The following BRINP3 variants were observed in gnomAD, a reference collection of about 807,000 sequenced individuals.
The protein encoded by BRINP3 is BMP/retinoic acid-inducible neural-specific protein 3.
A neutral mutation model predicts 71.0 loss-of-function variants in BRINP3; 19 were observed. The observed-to-expected ratio is 0.27, with a 90% CI of 0.19 to 0.39. BRINP3 has a LOEUF of 0.39. Among genes scored for constraint, BRINP3 ranks in the 10% least tolerant of loss-of-function variants. The pLI is 1.00. For synonymous variants in BRINP3, 380 were observed against 337.7 expected, an observed-to-expected ratio of 1.13 and a Z score of -1.37; for missense variants, 959 against 940.8, an observed-to-expected ratio of 1.02 and a Z score of -0.25.
chr1:190,363,612 C>T (rs1196101187), intron 2 of BRINP3, among the ~76,000 whole-genome samples: 3 of 152,062 alleles, frequency 2.0e-5, no homozygotes, highest in South Asian at 2.1e-4. Flanking sequence ...CAAGATTTCA[C>T]GTGCTCAAGA....
At chr1:190,194,270 G>T (rs1412610892) in intron 6 of BRINP3, among the ~76,000 whole-genome samples, 1 of 152,088 alleles carries the variant, frequency 6.6e-6, no homozygotes, top group Non-Finnish European at 1.5e-5. Flanking sequence ...AAGCAAGAAA[G>T]TATTCTCCTG....
chr1:190,457,506 T>G (rs1297512977), intron 1 of BRINP3, among the ~76,000 whole-genome samples: 1 of 151,860 alleles, frequency 6.6e-6, no homozygotes, highest in Non-Finnish European at 1.5e-5. Context: ...GCTATAGATG[T>G]TTGACTTTAG....
intron 2 of BRINP3, among the ~76,000 whole-genome samples, chr1:190,378,065 C>T (rs1418827367): frequency 6.6e-6 from 1 of 152,032 alleles, no homozygotes; most frequent in East Asian, 1.9e-4. Context: ...AATACTGAAG[C>T]AATCTTAAAA....
intron 7 of BRINP3, among the ~76,000 whole-genome samples, chr1:190,113,695 G>A (rs1267487851): frequency 6.6e-6 from 1 of 152,136 alleles, no homozygotes; most frequent in Non-Finnish European, 1.5e-5. Context: ...AATTACTCAA[G>A]TCCTCCGTCA....
chr1:190,201,227 T>A (rs981920017), intron 6 of BRINP3, among the ~76,000 whole-genome samples: 2 of 152,102 alleles, frequency 1.3e-5, no homozygotes, highest in African/African-American at 2.4e-5. Context: ...AAAGGCAGGT[T>A]TTGTTATGTT....
chr1:190,171,205 T>C (rs1334949385), intron 6 of BRINP3, among the ~76,000 whole-genome samples: 2 of 152,134 alleles, frequency 1.3e-5, no homozygotes, highest in Non-Finnish European at 2.9e-5. Context: ...GTTTCTTTAT[T>C]GGACATAAAG....
chr1:190,340,196 G>T (rs1348581484), intron 2 of BRINP3, among the ~76,000 whole-genome samples: 2 of 151,814 alleles, frequency 1.3e-5, no homozygotes, highest in Admixed American at 6.6e-5. Context: ...AATGACCTCT[G>T]GGTTATGTTA....
intron 2 of BRINP3, among the ~76,000 whole-genome samples, chr1:190,452,396 A>G (rs1675672827): frequency 6.6e-6 from 1 of 152,244 alleles, no homozygotes. Context: ...GTAAAGACAT[A>G]GTAAGGATAA....
chr1:190,196,043 A>T (rs1360461071), intron 6 of BRINP3, among the ~76,000 whole-genome samples: 1 of 152,142 alleles, frequency 6.6e-6, no homozygotes, highest in Non-Finnish European at 1.5e-5. Flanking sequence ...ATTGTATAGA[A>T]GCTGTCCTAT....
intron 2 of BRINP3, among the ~76,000 whole-genome samples, chr1:190,441,573 T>C (rs924839745): frequency 1.3e-5 from 2 of 152,098 alleles, no homozygotes; most frequent in Non-Finnish European, 2.9e-5. Flanking sequence ...GCTAAGATAT[T>C]TGTCAGTGAT....
intron 7 of BRINP3, among the ~76,000 whole-genome samples, chr1:190,144,586 A>G (rs1655728745): frequency 6.6e-6 from 1 of 152,080 alleles, no homozygotes; most frequent in African/African-American, 2.4e-5. Flanking sequence ...AATTTTTGTT[A>G]AAGTTACATC....
intron 2 of BRINP3, among the ~76,000 whole-genome samples, chr1:190,317,686 A>AT (rs1340136028): frequency 3.9e-5 from 6 of 152,038 alleles, no homozygotes; most frequent in Non-Finnish European, 7.4e-5. Context: ...ATAAGCATAT[A>AT]TTTTTTCATA....
intron 6 of BRINP3, among the ~76,000 whole-genome samples, chr1:190,191,273 C>T (rs1327259467): frequency 6.6e-6 from 1 of 152,048 alleles, no homozygotes; most frequent in Non-Finnish European, 1.5e-5. Context: ...AGCTATAATA[C>T]AGGCATTTTT....
chr1:190,468,676 T>C lies in BRINP3; in HGVS notation c.-51+8772A>G, dbSNP rs567960335. Among the ~76,000 whole-genome samples the C allele has an allele frequency of 8.6e-5, 13 of 151,268 alleles. No homozygotes were observed. In the East Asian group the frequency reaches 2.1e-3, roughly 25 times the overall value. On this transcript the variant is annotated intron_variant, in intron 1 of 7. Transcript: ENST00000367462. Reference sequence around the variant, plus strand: ...TAATAAGACAATAATCTGACTTTGATATAAAAGTTCTCAAACAAGGAATTA... The same window carrying C: ...TAATAAGACAATAATCTGACTTTGACATAAAAGTTCTCAAACAAGGAATTA...
intron 2 of BRINP3, among the ~76,000 whole-genome samples, chr1:190,450,474 T>C (rs2102607725): frequency 6.6e-6 from 1 of 152,254 alleles, no homozygotes; most frequent in East Asian, 1.9e-4. Flanking sequence ...TAATAGGAAG[T>C]TTGAAGTGAT....
chr1:190,365,807 T>TATAC (rs1669458135), intron 2 of BRINP3, among the ~76,000 whole-genome samples: 1 of 4,128 alleles, frequency 2.4e-4, no homozygotes, highest in African/African-American at 5.1e-4. Context: ...AGAGCAAGTG[T>TATAC]ATATATATAT....
At chr1:190,298,233 T>C (rs555705588) in intron 2 of BRINP3, among the ~76,000 whole-genome samples, 1 of 152,170 alleles carries the variant, frequency 6.6e-6, no homozygotes, top group Non-Finnish European at 1.5e-5. Flanking sequence ...ACTGTCTTTT[T>C]TTCTTGCTAG....
intron 2 of BRINP3, among the ~76,000 whole-genome samples, chr1:190,401,383 A>G (rs924362602): frequency 4.6e-5 from 7 of 150,800 alleles, no homozygotes; most frequent in Admixed American, 4.0e-4. Flanking sequence ...AAACAAAAAA[A>G]AAAAAAAAAA....
chr1:190,099,093 T>A lies in BRINP3; in HGVS notation c.1226A>T (p.Tyr409Phe). The A allele has an allele frequency of 6.2e-7, 1 of 1,614,032 alleles. No homozygotes were observed. The highest frequency in any genetic ancestry group is 8.5e-7 in the Non-Finnish European group (1 of 1,179,952). ...GCCTAGGAGGCCGTTCTCATTGCAG[T>A]AGAGAAAAGACTGGATGCGAGTAAG... ...YWLTRIQSFLYCNENGLLGSF... is the reference protein window; with the variant it reads ...YWLTRIQSFLFCNENGLLGSF... The change falls in exon 8 of 8, where the codon TAC (tyrosine) becomes TTC (phenylalanine). Residue 409 changes from tyrosine to phenylalanine, a missense_variant. By Grantham distance (22) the Tyr-to-Phe change is conservative. Coordinates refer to ENST00000367462, the MANE Select transcript of BRINP3 (RefSeq NM_199051.3).
Sources: gnomAD v4.1 joint callset for allele counts (sites outside exome capture counted in the v4.1 genomes callset) on GRCh38, gnomAD v4.1.1 for gene constraint, MANE v1.5 for transcripts, NCBI Gene and HGNC (gene_info 2026-07-23, HGNC 2026-07-21) for gene names.